The following CACNA1A variants were observed in gnomAD, a reference collection of about 807,000 sequenced individuals.
CACNA1A encodes voltage-dependent P/Q-type calcium channel subunit alpha-1A.
In CACNA1A, 57 loss-of-function variants were observed where a neutral mutation model predicts 262.4. That is an observed-to-expected ratio of 0.22 (90% confidence interval 0.18 to 0.27). The LOEUF (loss-of-function observed/expected upper bound fraction) is 0.27. Among genes scored for constraint, CACNA1A ranks in the 10% least tolerant of loss-of-function variants. The probability of loss-of-function intolerance (pLI) is 1.00; values close to 1 mark genes in which losing one functional copy is unlikely to be tolerated. For missense variants in CACNA1A, 2,526 were observed against 3,562.8 expected, an observed-to-expected ratio of 0.71 and a Z score of 7.41; for synonymous variants, 1,431 against 1,419.3, an observed-to-expected ratio of 1.01 and a Z score of -0.18.
chr19:13,456,366 C>G (rs1029090700), intron 1 of CACNA1A, among the ~76,000 whole-genome samples: 2 of 152,012 alleles, frequency 1.3e-5, no homozygotes, highest in African/African-American at 4.8e-5. Context: ...TGATAAGGGT[C>G]TAGTACTATA....
chr19:13,402,571 G>A (rs1294670472), intron 3 of CACNA1A, among the ~76,000 whole-genome samples: 1 of 150,466 alleles, frequency 6.6e-6, no homozygotes, highest in Non-Finnish European at 1.5e-5. Context: ...AGAAAATTAA[G>A]CAAATAAAAA....
Position 13,210,555 on chromosome 19 carries a change from G to C in CACNA1A, c.6339+62C>G, listed in dbSNP as rs558410124. ...TGAGAGATGACGGGACTCCCTGGAG[G>C]GGGGGTGGGGAGGAAGAGGGGGCCG... On this transcript the variant is annotated intron_variant, in intron 44 of 46. Transcript: ENST00000360228. 2.6e-5 allele frequency: 37 copies of C among 1,448,176 alleles called. No homozygotes were observed. The Admixed American group carries it at 4.9e-4, about 19-fold the overall frequency. 89.7% of individuals were successfully genotyped at this position (1,448,176 alleles called of 1,614,324 possible).
intron 6 of CACNA1A, among the ~76,000 whole-genome samples, chr19:13,340,761 G>T (rs143914106): frequency 0.01 from 1,529 of 152,234 alleles, 21 homozygotes; most frequent in African/African-American, 0.035. Flanking sequence ...GTTCTGTTGT[G>T]GGTTGCAGTG....
chr19:13,338,328 C>A (rs2058613495), intron 6 of CACNA1A, among the ~76,000 whole-genome samples: 2 of 152,250 alleles, frequency 1.3e-5, no homozygotes, highest in Non-Finnish European at 1.5e-5. Flanking sequence ...CTGTTGTTGA[C>A]CAAAATGCCA....
intron 25 of CACNA1A, 181 bp from the exon 26 acceptor site, chr19:13,261,791 C>T (rs1305957069): frequency 3.4e-6 from 2 of 588,826 alleles, no homozygotes; most frequent in Admixed American, 5.9e-5. Flanking sequence ...AGGAGTTGGA[C>T]TCAATCCTGG....
At chr19:13,326,097 C>T (rs571198860) in intron 10 of CACNA1A, among the ~76,000 whole-genome samples, 243 of 152,130 alleles carry the variant, frequency 1.6e-3, no homozygotes, top group African/African-American at 5.7e-3. Flanking sequence ...GGGCAGATCA[C>T]TTGAGGTCAG....
Position 13,286,804 on chromosome 19 carries a change from G to C in CACNA1A, c.3252C>G (p.Ser1084Arg), listed in dbSNP as rs765577470. 6.2e-7 allele frequency: 1 copy of C among 1,613,270 alleles called. No individual in the cohort carries two copies. Among genetic ancestry groups the C allele is most frequent in the Non-Finnish European group, 8.5e-7 (1 of 1,179,710 alleles). The change falls in exon 20 of 47, where the codon AGC becomes AGG. Residue 1084 changes from serine to arginine, a missense_variant. Transcript: ENST00000360228. The part of the protein sequence containing the change: ...ATAESAAPHG[S>R]LGHAGLPQSP... ...TCTGGGGCAGGCCGGCGTGGCCAAG[G>C]CTGCCGTGGGGAGCGGCCGACTCCG...
chr19:13,228,450 G>A (rs180778920), intron 36 of CACNA1A, among the ~76,000 whole-genome samples: 10 of 152,100 alleles, frequency 6.6e-5, no homozygotes, highest in African/African-American at 2.4e-4. Context: ...GGCAGCTTCA[G>A]CTAAGAGCAA....
Position 13,241,535 on chromosome 19 carries a change from A to G in CACNA1A, c.4950+3647T>C. On this transcript the variant is annotated intron_variant, in intron 31 of 46. Transcript: ENST00000360228. This position sits in a 1 kb window ranked among gnomAD's most constrained non-coding sequence, Gnocchi z 4.0. Reference sequence around the variant, plus strand: ...GTAAGACCAACCGGATTCTAGATGCAGATGTTGAAGATGAGGGGGAGCGGG... The same window carrying G: ...GTAAGACCAACCGGATTCTAGATGCGGATGTTGAAGATGAGGGGGAGCGGG... 1 of 723,858 alleles carries G rather than the reference A, an allele frequency of 1.4e-6. No individual in the cohort carries two copies. The allele number at this position is 723,858 out of a possible 1,614,324, so 44.8% of individuals were successfully genotyped here. A position where few individuals can be genotyped will look rare whatever the true frequency, so the allele number is the denominator to read the frequency against.
At chr19:13,346,168 C>A (rs925799767) in intron 6 of CACNA1A, among the ~76,000 whole-genome samples, 2 of 152,162 alleles carry the variant, frequency 1.3e-5, no homozygotes, top group Non-Finnish European at 2.9e-5. Context: ...TCCCAAAGTG[C>A]TGGGATTACA....
intron 1 of CACNA1A, among the ~76,000 whole-genome samples, chr19:13,472,113 C>T (rs1405703962): frequency 3.3e-5 from 5 of 151,968 alleles, no homozygotes; most frequent in African/African-American, 9.7e-5. Flanking sequence ...CAGGTGCACA[C>T]TATCACACCC....
chr19:13,415,923 G>A (rs564300448), intron 3 of CACNA1A, among the ~76,000 whole-genome samples: 2 of 152,080 alleles, frequency 1.3e-5, no homozygotes, highest in East Asian at 1.9e-4. Context: ...CAGCTGGCCT[G>A]TGTCTTCTAC....
At chr19:13,479,904 T>C (rs2145075646) in intron 1 of CACNA1A, among the ~76,000 whole-genome samples, 1 of 152,354 alleles carries the variant, frequency 6.6e-6, no homozygotes, top group African/African-American at 2.4e-5. Context: ...CCATGGCTTG[T>C]TTGTGTAAAC....
chr19:13,438,053 T>G (rs2060645089), intron 3 of CACNA1A, among the ~76,000 whole-genome samples: 1 of 152,242 alleles, frequency 6.6e-6, no homozygotes, highest in African/African-American at 2.4e-5. Context: ...CATTCCCACT[T>G]TTCTTTCCAG....
At chr19:13,454,516 G>A (rs1281859967) in intron 2 of CACNA1A, among the ~76,000 whole-genome samples, 1 of 151,898 alleles carries the variant, frequency 6.6e-6, no homozygotes, top group Non-Finnish European at 1.5e-5. Flanking sequence ...GATTACAGGT[G>A]TGCACCACCA....
chr19:13,445,656 A>G (rs944929293), intron 3 of CACNA1A, among the ~76,000 whole-genome samples: 3 of 152,196 alleles, frequency 2.0e-5, no homozygotes, highest in Non-Finnish European at 4.4e-5. Flanking sequence ...TTCAATATTT[A>G]TATATATTTG....
chr19:13,375,631 T>G (rs2059391898), intron 3 of CACNA1A, among the ~76,000 whole-genome samples: 1 of 151,390 alleles, frequency 6.6e-6, no homozygotes, highest in Non-Finnish European at 1.5e-5. Flanking sequence ...CTACAGAAAA[T>G]AAAAAAATTA....
At chr19:13,477,226 G>A (rs917269357) in intron 1 of CACNA1A, among the ~76,000 whole-genome samples, 9 of 152,234 alleles carry the variant, frequency 5.9e-5, no homozygotes, top group Non-Finnish European at 7.3e-5. Context: ...CAATGCCATC[G>A]CCTCGATAAA....
At chr19:13,208,368 A>C (rs2054657495) in intron 46 of CACNA1A, among the ~76,000 whole-genome samples, 1 of 152,114 alleles carries the variant, frequency 6.6e-6, no homozygotes, top group Non-Finnish European at 1.5e-5. Context: ...AAATAGCAGA[A>C]GTTTCAAAAA....
Sources: gnomAD v4.1 joint callset for allele counts (sites outside exome capture counted in the v4.1 genomes callset) on GRCh38, gnomAD v4.1.1 for gene constraint, Gnocchi (gnomAD v3.1) non-coding constraint, MANE v1.5 for transcripts, NCBI Gene and HGNC (gene_info 2026-07-23, HGNC 2026-07-21) for gene names.